The following ADGRL3 variants were observed in gnomAD, a reference collection of about 807,000 sequenced individuals.
The protein encoded by ADGRL3 is calcium-independent alpha-latrotoxin receptor 3.
In ADGRL3, 62 loss-of-function variants were observed where a neutral mutation model predicts 153.5. The observed-to-expected ratio is 0.40, with a 90% CI of 0.33 to 0.50. ADGRL3 has a LOEUF of 0.50. Ranked by LOEUF, ADGRL3 falls within the 20% of genes least tolerant of loss-of-function variation. The pLI is 0.47. For missense variants in ADGRL3, 1,641 were observed against 1,859.4 expected, an observed-to-expected ratio of 0.88 and a Z score of 2.16; for synonymous variants, 710 against 672.5, an observed-to-expected ratio of 1.06 and a Z score of -0.86.
intron 5 of ADGRL3, among the ~76,000 whole-genome samples, chr4:61,607,925 G>A (rs556983362): frequency 5.9e-5 from 9 of 152,276 alleles, no homozygotes; most frequent in African/African-American, 1.9e-4. Flanking sequence ...TTTTCTAAGA[G>A]CCAGAACAGC....
chr4:61,492,455 A>G (rs2152787476), intron 2 of ADGRL3, among the ~76,000 whole-genome samples: 1 of 152,280 alleles, frequency 6.6e-6, no homozygotes, highest in East Asian at 1.9e-4. Context: ...TAGCTAACAC[A>G]TTCCCAGGAT....
In ADGRL3 at chr4:61,222,923, G is replaced by C. The variant is rs183839606; in HGVS notation, c.-240+21158G>C. Among the ~76,000 whole-genome samples the C allele has an allele frequency of 3.3e-5, 5 of 152,132 alleles. No homozygotes were observed. The East Asian group carries it at 7.7e-4, about 23-fold the overall frequency. On this transcript the variant is annotated intron_variant, in intron 1 of 26. Transcript: ENST00000683033. ...TTGATTTTTGTCAAATGTATGGAAC[G>C]TTTGTAGGGAAAATTGTTAAGATAG... is the stretch of plus-strand genomic sequence containing the variant.
chr4:61,624,450 GGAA>G (rs2092714549), intron 5 of ADGRL3, among the ~76,000 whole-genome samples: 1 of 152,066 alleles, frequency 6.6e-6, no homozygotes, highest in Non-Finnish European at 1.5e-5. Flanking sequence ...AAGAAAACCT[GGAA>G]GAAGAACAGT....
intron 9 of ADGRL3, among the ~76,000 whole-genome samples, chr4:61,832,822 T>C (rs1351371867): frequency 6.6e-6 from 1 of 151,556 alleles, no homozygotes; most frequent in Non-Finnish European, 1.5e-5. Flanking sequence ...CTTTTTTTTT[T>C]TTTTTTAAGA....
At chr4:61,331,367 G>A (rs1344740315) in intron 1 of ADGRL3, among the ~76,000 whole-genome samples, 5 of 152,050 alleles carry the variant, frequency 3.3e-5, no homozygotes, top group Admixed American at 3.3e-4. Context: ...ACAATATTGG[G>A]ATGTCAATAT....
At position 61,849,897 on chromosome 4, in the gene ADGRL3, T is replaced by G. The variant is rs535018162; in HGVS notation, c.1480+36008T>G. Among the ~76,000 whole-genome samples the G allele has an allele frequency of 8.1e-4, 124 of 152,242 alleles. 1 individual carries two copies. Among genetic ancestry groups the G allele is most frequent in the Non-Finnish European group, 1.5e-3 (105 of 67,974 alleles). ...ATGGGTATTTTAGGTATAAACACAT[T>G]ACATGTAAACAGAACGCTTTTGCCA... On this transcript the variant is annotated intron_variant, in intron 9 of 26. Transcript: ENST00000683033.
intron 8 of ADGRL3, among the ~76,000 whole-genome samples, chr4:61,738,590 A>G (rs561500424): frequency 3.7e-4 from 56 of 152,300 alleles, no homozygotes; most frequent in African/African-American, 1.3e-3. Flanking sequence ...ATGAAAAAAA[A>G]GCTTAACTCC....
At chr4:62,011,330 G>C (rs1437716228) in intron 21 of ADGRL3, among the ~76,000 whole-genome samples, 1 of 152,152 alleles carries the variant, frequency 6.6e-6, no homozygotes, top group Non-Finnish European at 1.5e-5. Flanking sequence ...TGATGAAGAA[G>C]TGGATATATG....
At chr4:61,256,352 A>G (rs1286838674) in intron 1 of ADGRL3, among the ~76,000 whole-genome samples, 2 of 152,152 alleles carry the variant, frequency 1.3e-5, no homozygotes, top group African/African-American at 4.8e-5. Context: ...ATTGATTTAA[A>G]CTGTAGCAGC....
At chr4:61,809,866 T>G (rs2148563703) in intron 8 of ADGRL3, among the ~76,000 whole-genome samples, 1 of 152,268 alleles carries the variant, frequency 6.6e-6, no homozygotes, top group South Asian at 2.1e-4. Flanking sequence ...AAAACTGTTT[T>G]AATTACTACC....
chr4:62,012,015 A>G (rs968159534), intron 21 of ADGRL3, among the ~76,000 whole-genome samples: 3 of 152,052 alleles, frequency 2.0e-5, no homozygotes, highest in East Asian at 3.9e-4. Context: ...CAATGATTAT[A>G]TGTATTAATA....
At chr4:61,873,975 T>C (rs996249400) in intron 9 of ADGRL3, among the ~76,000 whole-genome samples, 1 of 152,302 alleles carries the variant, frequency 6.6e-6, no homozygotes, top group Admixed American at 6.5e-5. Flanking sequence ...ACTCTTGCTC[T>C]GAATAAAGAT....
At chr4:61,441,079 A>G (rs1194414941) in intron 2 of ADGRL3, among the ~76,000 whole-genome samples, 4 of 152,098 alleles carry the variant, frequency 2.6e-5, no homozygotes, top group African/African-American at 4.8e-5. Flanking sequence ...AAACTGACCC[A>G]TTCTCATGGC....
intron 6 of ADGRL3, among the ~76,000 whole-genome samples, chr4:61,686,306 G>C (rs1185610930): frequency 1.3e-5 from 2 of 152,018 alleles, no homozygotes; most frequent in African/African-American, 4.8e-5. Context: ...TTGCTGAAAA[G>C]ATCTTATGTT....
At chr4:62,042,398 G>T (rs576161462) in intron 24 of ADGRL3, among the ~76,000 whole-genome samples, 131 of 151,446 alleles carry the variant, frequency 8.6e-4, no homozygotes, top group African/African-American at 3.1e-3. Context: ...TAAGTAGGGT[G>T]TTATACCTTC....
chr4:61,331,225 G>C (rs991749992), intron 1 of ADGRL3, among the ~76,000 whole-genome samples: 32 of 152,164 alleles, frequency 2.1e-4, no homozygotes, highest in Non-Finnish European at 3.7e-4. Context: ...ATACCTATAC[G>C]TAAATTTTAA....
intron 1 of ADGRL3, among the ~76,000 whole-genome samples, chr4:61,286,270 A>T (rs551187517): frequency 2.0e-5 from 3 of 151,168 alleles, no homozygotes; most frequent in Admixed American, 1.3e-4. Flanking sequence ...TTACCTGCCG[A>T]ATTCATGTAA....
At chr4:61,483,372 A>C (rs972011137) in intron 2 of ADGRL3, among the ~76,000 whole-genome samples, 1 of 152,228 alleles carries the variant, frequency 6.6e-6, no homozygotes, top group Non-Finnish European at 1.5e-5. Flanking sequence ...TACAAAATGT[A>C]TATACATAGC....
intron 6 of ADGRL3, among the ~76,000 whole-genome samples, chr4:61,699,932 C>T (rs1340328265): frequency 6.7e-6 from 1 of 148,190 alleles, no homozygotes; most frequent in African/African-American, 2.5e-5. Flanking sequence ...GATCTGTGAT[C>T]AAATAACAAG....
Sources: allele counts gnomAD v4.1 joint callset (sites outside exome capture counted in the v4.1 genomes callset), GRCh38; gene constraint gnomAD v4.1.1; transcripts MANE v1.5; gene names NCBI Gene and HGNC (gene_info 2026-07-23, HGNC 2026-07-21).